Variants in MYOZ2 observed in about 807,000 individuals in gnomAD.
The protein encoded by MYOZ2 is myozenin 2, also known as myozenin-2.
A neutral mutation model predicts 25.4 loss-of-function variants in MYOZ2; 19 were observed. That is an observed-to-expected ratio of 0.75 (90% CI 0.52 to 1.10). MYOZ2 has a LOEUF of 1.10. Ranked by LOEUF, MYOZ2 falls within the 50% of genes least tolerant of loss-of-function variation. The pLI is 0.00. For missense variants in MYOZ2, 270 were observed against 317.9 expected, an observed-to-expected ratio of 0.85 and a Z score of 1.15; for synonymous variants, 92 against 106.9, an observed-to-expected ratio of 0.86 and a Z score of 0.86.
chr4:119,149,610 T>C (rs1437902390), intron 2 of MYOZ2, among the ~76,000 whole-genome samples: 1 of 152,322 alleles, frequency 6.6e-6, no homozygotes, highest in East Asian at 1.9e-4. Context: ...AGAGTATTAA[T>C]CACCATGTTG....
intron 5 of MYOZ2, among the ~76,000 whole-genome samples, chr4:119,169,623 C>G (rs953668219): frequency 6.6e-6 from 1 of 152,214 alleles, no homozygotes; most frequent in Non-Finnish European, 1.5e-5. Context: ...CTTGAGGCAC[C>G]TGTTGATTCA....
At position 119,187,314 on chromosome 4, in the gene MYOZ2, C is replaced by A. The variant is rs1742316067; in HGVS notation, c.*1114C>A. On this transcript the variant is annotated 3_prime_UTR_variant, in exon 6 of 6. Coordinates refer to ENST00000307128, the MANE Select transcript of MYOZ2 (RefSeq NM_016599.5). ...AGTATCAATTCCTCCCATTTCAATT[C>A]AGTTAAGACTTCTGTGATAGATGTT... 1 of 151,984 alleles carries A rather than the reference C, an allele frequency of 6.6e-6. No individual in the cohort carries two copies. The highest frequency in any genetic ancestry group is 6.6e-5 in the Admixed American group (1 of 15,260). The allele number at this position is 151,984 out of a possible 1,614,324, so 9.4% of individuals were successfully genotyped here. A position where few individuals can be genotyped will look rare whatever the true frequency, so the allele number is the denominator to read the frequency against.
chr4:119,152,561 C>A (rs6836493), intron 3 of MYOZ2, among the ~76,000 whole-genome samples: 89,631 of 151,778 alleles, frequency 0.59, 28,755 homozygotes, highest in Non-Finnish European at 0.72. Flanking sequence ...ATTCTCTTAC[C>A]ACCAGTATTT....
intron 3 of MYOZ2, 60 bp from the exon 4 acceptor site, chr4:119,157,962 T>C: frequency 6.3e-7 from 1 of 1,585,780 alleles, no homozygotes. Flanking sequence ...CATATATAGC[T>C]CCTATTATTG....
rs574037343 is a variant in MYOZ2, at chr4:119,146,944, C to T, written c.77-3928C>T. On this transcript the variant is annotated intron_variant, in intron 2 of 5. Coordinates refer to ENST00000307128, the MANE Select transcript of MYOZ2 (RefSeq NM_016599.5). ...GATTTCTAGGCAATCTTTGTGGATT[C>T]GCACTTTAATCATTATATAATGCCC... 1.8e-3 allele frequency among the ~76,000 whole-genome samples: 268 copies of T among 152,170 alleles called. 2 individuals are homozygous for T. Among genetic ancestry groups the T allele is most frequent in the Non-Finnish European group, 2.3e-3 (157 of 67,982 alleles).
At chr4:119,139,889 T>C (rs1469316861) in intron 2 of MYOZ2, among the ~76,000 whole-genome samples, 1 of 152,110 alleles carries the variant, frequency 6.6e-6, no homozygotes, top group Admixed American at 6.6e-5. Flanking sequence ...TTTGTTTTTT[T>C]CTCCTCATGA....
chr4:119,163,517 A>G (rs1053819000), intron 4 of MYOZ2, among the ~76,000 whole-genome samples: 1 of 152,240 alleles, frequency 6.6e-6, no homozygotes, highest in South Asian at 2.1e-4. Flanking sequence ...CGTGACTTTT[A>G]AACAGTATTT....
At chr4:119,174,762 C>G (rs982397984) in intron 5 of MYOZ2, among the ~76,000 whole-genome samples, 2 of 152,146 alleles carry the variant, frequency 1.3e-5, no homozygotes, top group African/African-American at 4.8e-5. Flanking sequence ...TCCCCTTCCA[C>G]ACAGTGGAAG....
At chr4:119,149,617 G>C (rs1741402443) in intron 2 of MYOZ2, among the ~76,000 whole-genome samples, 1 of 152,154 alleles carries the variant, frequency 6.6e-6, no homozygotes, top group African/African-American at 2.4e-5. Context: ...TAATCACCAT[G>C]TTGTTCCTTG....
chr4:119,154,465 A>T (rs1741525615), intron 3 of MYOZ2, among the ~76,000 whole-genome samples: 1 of 152,116 alleles, frequency 6.6e-6, no homozygotes, highest in Non-Finnish European at 1.5e-5. Context: ...CTTAACGATG[A>T]TGTAGAGGTA....
chr4:119,148,313 T>A (rs1346392829), intron 2 of MYOZ2, among the ~76,000 whole-genome samples: 2 of 152,128 alleles, frequency 1.3e-5, no homozygotes, highest in Admixed American at 1.3e-4. Context: ...TAATTATAAG[T>A]CTTGTTGTGA....
At chr4:119,156,646 T>A (rs1402733833) in intron 3 of MYOZ2, among the ~76,000 whole-genome samples, 1 of 152,216 alleles carries the variant, frequency 6.6e-6, no homozygotes, top group Non-Finnish European at 1.5e-5. Context: ...AAAAAGCTAT[T>A]CGTTGAAAAT....
At chr4:119,185,874 A>C (rs1742281933) in intron 5 of MYOZ2, 92 bp from the exon 6 acceptor site, 1 of 1,076,664 alleles carries the variant, frequency 9.3e-7, no homozygotes, top group African/African-American at 1.6e-5. Context: ...AAATACACCC[A>C]TAAAATCATG....
At chr4:119,167,589 A>G (rs1016556337) in intron 5 of MYOZ2, among the ~76,000 whole-genome samples, 4 of 152,258 alleles carry the variant, frequency 2.6e-5, no homozygotes, top group African/African-American at 9.6e-5. Context: ...ACAACCTTCT[A>G]TTGGAAGAAG....
At chr4:119,155,339 G>T (rs761614752) in intron 3 of MYOZ2, among the ~76,000 whole-genome samples, 1 of 152,114 alleles carries the variant, frequency 6.6e-6, no homozygotes, top group African/African-American at 2.4e-5. Context: ...ATAGGATGGG[G>T]ACTCCAAATG....
chr4:119,155,035 G>A (rs745965160), intron 3 of MYOZ2, among the ~76,000 whole-genome samples: 1 of 152,030 alleles, frequency 6.6e-6, no homozygotes, highest in Non-Finnish European at 1.5e-5. Flanking sequence ...AAGGGCCCCT[G>A]GAAACTTCCA....
chr4:119,138,155 C>T (rs1341958989), intron 2 of MYOZ2, among the ~76,000 whole-genome samples: 2 of 151,728 alleles, frequency 1.3e-5, no homozygotes, highest in African/African-American at 4.8e-5. Flanking sequence ...TGGGGGAAAC[C>T]CTCAAAACCA....
chr4:119,147,646 A>G (rs1741332915), intron 2 of MYOZ2, among the ~76,000 whole-genome samples: 2 of 151,492 alleles, frequency 1.3e-5, no homozygotes, highest in East Asian at 3.9e-4. Context: ...CGGGAGGCTG[A>G]GGCAGGAGAA....
At chr4:119,172,936 C>G (rs1457311057) in intron 5 of MYOZ2, among the ~76,000 whole-genome samples, 2 of 152,148 alleles carry the variant, frequency 1.3e-5, no homozygotes, top group African/African-American at 4.8e-5. Context: ...CTTCAAAAAG[C>G]TGTATGACTT....
Sources: allele counts gnomAD v4.1 joint callset (sites outside exome capture counted in the v4.1 genomes callset), GRCh38; gene constraint gnomAD v4.1.1; transcripts MANE v1.5; gene names NCBI Gene and HGNC (gene_info 2026-07-23, HGNC 2026-07-21).